Variants in CADPS observed in about 807,000 individuals in gnomAD.
CADPS encodes the protein calcium dependent secretion activator.
CADPS carries 57 observed loss-of-function variants against 167.3 expected under a neutral mutation model. That is an observed-to-expected ratio of 0.34 (90% CI 0.28 to 0.42). The LOEUF is 0.42. Ranked by LOEUF, CADPS falls within the 20% of genes least tolerant of loss-of-function variation. The pLI, the probability that CADPS is intolerant of heterozygous loss-of-function variation, is 1.00. For missense variants in CADPS, 1,414 were observed against 1,738.1 expected, an observed-to-expected ratio of 0.81 and a Z score of 3.32; for synonymous variants, 676 against 635.3, an observed-to-expected ratio of 1.06 and a Z score of -0.96.
At chr3:62,470,316 T>C (rs1231294880) in intron 24 of CADPS, among the ~76,000 whole-genome samples, 1 of 152,216 alleles carries the variant, frequency 6.6e-6, no homozygotes, top group Non-Finnish European at 1.5e-5. Context: ...CTGGTATTAG[T>C]AGCTAGGTCT....
chr3:62,615,051 C>T (rs977287087), intron 6 of CADPS, among the ~76,000 whole-genome samples: 10 of 152,098 alleles, frequency 6.6e-5, no homozygotes, highest in Admixed American at 5.2e-4. Context: ...GATACAGGAC[C>T]TCAGAGTGAG....
chr3:62,445,191 T>A (rs2056999020), intron 27 of CADPS, among the ~76,000 whole-genome samples: 1 of 152,192 alleles, frequency 6.6e-6, no homozygotes, highest in Non-Finnish European at 1.5e-5. Context: ...CTTTGAGAGC[T>A]CTCTTCATTA....
At chr3:62,480,058 G>GT (rs11343208) in intron 22 of CADPS, among the ~76,000 whole-genome samples, 63 of 149,248 alleles carry the variant, frequency 4.2e-4, no homozygotes, top group East Asian at 5.9e-4. Flanking sequence ...TTCTTGTAGG[G>GT]TTTTTTTTTT....
At chr3:62,626,951 A>G (rs979414676) in intron 6 of CADPS, among the ~76,000 whole-genome samples, 2 of 152,196 alleles carry the variant, frequency 1.3e-5, no homozygotes, top group African/African-American at 4.8e-5. Flanking sequence ...GATATGTGTC[A>G]GATTTGAAAA....
At chr3:62,411,720 G>A (rs989838986) in intron 28 of CADPS, among the ~76,000 whole-genome samples, 1 of 152,204 alleles carries the variant, frequency 6.6e-6, no homozygotes, top group Non-Finnish European at 1.5e-5. Context: ...TTCACAGAGG[G>A]TCTGACAAAG....
At chr3:62,669,192 G>C (rs925712188) in intron 3 of CADPS, among the ~76,000 whole-genome samples, 2 of 152,126 alleles carry the variant, frequency 1.3e-5, no homozygotes, top group Non-Finnish European at 2.9e-5. Context: ...GTGCCCCCTG[G>C]GTTCCCAGAG....
intron 6 of CADPS, among the ~76,000 whole-genome samples, chr3:62,599,771 A>ATATATATAT: frequency 6.6e-4 from 1 of 1,506 alleles, no homozygotes; most frequent in Non-Finnish European, 2.5e-3. Context: ...TGTATATATA[A>ATATATATAT]TATATATATT....
At chr3:62,830,221 C>T (rs2074830373) in intron 1 of CADPS, among the ~76,000 whole-genome samples, 1 of 152,118 alleles carries the variant, frequency 6.6e-6, no homozygotes, top group East Asian at 1.9e-4. Context: ...GTTGAAAGAT[C>T]CAACTAGTGC....
intron 8 of CADPS, among the ~76,000 whole-genome samples, chr3:62,580,135 A>G (rs1260528363): frequency 6.6e-6 from 1 of 152,154 alleles, no homozygotes; most frequent in African/African-American, 2.4e-5. Flanking sequence ...ACACATGCAC[A>G]CGTATGTTTA....
At chr3:62,589,975 A>C (rs1466720098) in intron 7 of CADPS, among the ~76,000 whole-genome samples, 2 of 152,040 alleles carry the variant, frequency 1.3e-5, no homozygotes, top group Non-Finnish European at 2.9e-5. Flanking sequence ...GGATCACTTC[A>C]GGTTAGCAGT....
intron 3 of CADPS, among the ~76,000 whole-genome samples, chr3:62,712,156 GTA>G (rs1331512233): frequency 6.6e-6 from 1 of 152,026 alleles, no homozygotes; most frequent in East Asian, 1.9e-4. Flanking sequence ...TAAAAATAAT[GTA>G]TATTTGTGTA....
chr3:62,448,308 C>T (rs2057518866), intron 26 of CADPS, among the ~76,000 whole-genome samples: 1 of 152,152 alleles, frequency 6.6e-6, no homozygotes, highest in South Asian at 2.1e-4. Context: ...AACCTTTAAA[C>T]ACACCATTTA....
At chr3:62,738,978 A>T (rs1000628370) in intron 3 of CADPS, among the ~76,000 whole-genome samples, 7 of 152,208 alleles carry the variant, frequency 4.6e-5, no homozygotes, top group Admixed American at 1.3e-4. Context: ...ATTATGGTAG[A>T]TTCAAAAGTG....
chr3:62,721,139 A>ATTTTTTTTTTTT (rs1268261563), intron 3 of CADPS, among the ~76,000 whole-genome samples: 17 of 112,966 alleles, frequency 1.5e-4, no homozygotes, highest in Non-Finnish European at 1.9e-4. Flanking sequence ...TTTTTTAAAA[A>ATTTTTTTTTTTT]AAAAAAGAAG....
intron 6 of CADPS, among the ~76,000 whole-genome samples, chr3:62,596,560 C>T (rs2058973551): frequency 6.6e-6 from 1 of 152,130 alleles, no homozygotes. Context: ...ATTAGCATAT[C>T]CATCACCTCA....
intron 28 of CADPS, among the ~76,000 whole-genome samples, chr3:62,431,058 G>A (rs1310366562): frequency 6.6e-6 from 1 of 151,644 alleles, no homozygotes; most frequent in Non-Finnish European, 1.5e-5. Context: ...TGAGGATAGA[G>A]ATGAGGTCAC....
rs565265563 is a variant in CADPS, at chr3:62,683,038, A to C, written c.889-20644T>G. Among the ~76,000 whole-genome samples, 4 of 152,180 alleles carry C rather than the reference A, an allele frequency of 2.6e-5. No homozygotes were observed. The East Asian group carries it at 7.7e-4, about 29-fold the overall frequency. On this transcript the variant is annotated intron_variant, in intron 3 of 29. Transcript: ENST00000383710. ...TCTCAATGGCCTGTGGCCAGAGGAA[A>C]TGTTGGAAGCAGGTCAGTGTGGCTG...
intron 8 of CADPS, among the ~76,000 whole-genome samples, chr3:62,583,728 C>T (rs1578225631): frequency 1.3e-5 from 2 of 152,058 alleles, no homozygotes; most frequent in South Asian, 2.1e-4. Flanking sequence ...ATACCTGAAC[C>T]TCTCTGGTGC....
At chr3:62,567,509 T>G (rs192612693) in intron 9 of CADPS, among the ~76,000 whole-genome samples, 3 of 146,602 alleles carry the variant, frequency 2.0e-5, no homozygotes, top group African/African-American at 7.6e-5. Flanking sequence ...GAGACTGCTG[T>G]GCCAAGTGCA....
Sources: gnomAD v4.1 joint callset for allele counts (sites outside exome capture counted in the v4.1 genomes callset) on GRCh38, gnomAD v4.1.1 for gene constraint, MANE v1.5 for transcripts, NCBI Gene and HGNC (gene_info 2026-07-23, HGNC 2026-07-21) for gene names.